Variants in NXPE2 observed in about 807,000 individuals in gnomAD.
The protein encoded by NXPE2 is NXPE family member 2.
Under a neutral mutation model 34.4 loss-of-function variants are expected in NXPE2, and 34 were observed. That is an observed-to-expected ratio of 0.99 (90% CI 0.75 to 1.31). The LOEUF is 1.31. Among genes scored for constraint, NXPE2 ranks in the 40% most tolerant of loss-of-function variants. The probability of loss-of-function intolerance (pLI) is 0.00; values close to 1 mark genes in which losing one functional copy is unlikely to be tolerated. For missense variants in NXPE2, 649 were observed against 672.5 expected (o/e 0.97, Z 0.39); for synonymous variants, 235 against 231.3 (o/e 1.02, Z -0.15).
the NXPE2 span, among the ~76,000 whole-genome samples, chr11:114,716,124 C>G: frequency 1.3e-5 from 2 of 152,186 alleles, no homozygotes; most frequent in Admixed American, 1.3e-4. Flanking sequence ...TCATCCTGTC[C>G]ATGTACCCCC....
chr11:114,588,387 AG>A, the NXPE2 span, among the ~76,000 whole-genome samples: 3 of 152,206 alleles, frequency 2.0e-5, no homozygotes, highest in East Asian at 5.8e-4. Flanking sequence ...AGTATATAAA[AG>A]CTTTCCAAAA....
intron 2 of NXPE2, among the ~76,000 whole-genome samples, chr11:114,686,592 T>A (rs560533290): frequency 6.6e-6 from 1 of 152,292 alleles, no homozygotes; most frequent in East Asian, 1.9e-4. Context: ...AGAACAAATG[T>A]CTTTTTGGTA....
At chr11:114,522,396 C>T in the NXPE2 span, 487 of 1,613,948 alleles carry the variant, frequency 3.0e-4, 5 homozygotes, top group African/African-American at 5.3e-3. Flanking sequence ...TGGAAAGTGA[C>T]GAAGGGATAG....
chr11:114,705,754 A>T, intron 4 of NXPE2, 27 bp from the exon 5 acceptor site: 3 of 1,336,506 alleles, frequency 2.2e-6, no homozygotes, highest in South Asian at 3.2e-5. Flanking sequence ...AATAAAAATT[A>T]CTTAATCTGG....
intron 2 of NXPE2, among the ~76,000 whole-genome samples, chr11:114,694,361 A>G (rs193179271): frequency 6.1e-4 from 93 of 152,272 alleles, no homozygotes; most frequent in Admixed American, 1.8e-3. Context: ...TATGGCTTGT[A>G]TCATAATTTT....
chr11:114,544,536 G>T, the NXPE2 span, among the ~76,000 whole-genome samples: 5 of 152,146 alleles, frequency 3.3e-5, no homozygotes, highest in Non-Finnish European at 5.9e-5. Context: ...ATAAAAAAAT[G>T]AGCCTAGACA....
the NXPE2 span, among the ~76,000 whole-genome samples, chr11:114,601,914 TTATATATA>T: frequency 2.5e-5 from 1 of 39,786 alleles, no homozygotes; most frequent in Non-Finnish European, 5.0e-5. Flanking sequence ...TATTATATAA[TTATATATA>T]ATATATTTAT....
chr11:114,651,783 A>C, the NXPE2 span, among the ~76,000 whole-genome samples: 2 of 152,094 alleles, frequency 1.3e-5, no homozygotes, highest in African/African-American at 2.4e-5. Flanking sequence ...GTGTTTACAA[A>C]CCTTTAGCTA....
the NXPE2 span, among the ~76,000 whole-genome samples, chr11:114,524,715 GTAT>G: frequency 2.0e-5 from 3 of 152,142 alleles, no homozygotes; most frequent in Admixed American, 6.5e-5. Flanking sequence ...GCCTTTAAGT[GTAT>G]TGTTGTAAAC....
At chr11:114,811,307 C>T in the NXPE2 span, among the ~76,000 whole-genome samples, 129 of 150,770 alleles carry the variant, frequency 8.6e-4, no homozygotes, top group African/African-American at 2.8e-3. Context: ...GCACGTTGTG[C>T]ACATGTACCC....
At chr11:114,787,378 G>A in the NXPE2 span, among the ~76,000 whole-genome samples, 1 of 152,144 alleles carries the variant, frequency 6.6e-6, no homozygotes, top group African/African-American at 2.4e-5. Flanking sequence ...GTGGCGTGGG[G>A]TGGGAACGGG....
chr11:114,548,555 A>G, the NXPE2 span, among the ~76,000 whole-genome samples: 1 of 152,212 alleles, frequency 6.6e-6, no homozygotes, highest in Admixed American at 6.5e-5. Context: ...AAATGTTTCT[A>G]AACAACTCGT....
the NXPE2 span, among the ~76,000 whole-genome samples, chr11:114,799,542 A>G: frequency 5.3e-5 from 8 of 152,206 alleles, no homozygotes; most frequent in Non-Finnish European, 1.0e-4. Context: ...GGAAACAGAG[A>G]GATTCCAAAT....
chr11:114,709,343 C>CA (rs919544962), downstream of NXPE2, among the ~76,000 whole-genome samples: 130 of 151,754 alleles, frequency 8.6e-4, 1 homozygote, highest in Admixed American at 3.7e-3. Context: ...GAGTAAAAAA[C>CA]AAAAAAAATC....
Position 114,705,983 on chromosome 11 carries a change from A to G in NXPE2, c.1131A>G (p.Gln377=). 1 of 1,363,058 alleles carries G rather than the reference A, an allele frequency of 7.3e-7. No homozygotes were observed. Among genetic ancestry groups the G allele is most frequent in the Non-Finnish European group, 9.6e-7 (1 of 1,046,446 alleles). 84.4% of individuals were successfully genotyped at this position (1,363,058 alleles called of 1,614,324 possible). A position where few individuals can be genotyped will look rare whatever the true frequency, so the allele number is the denominator to read the frequency against. The part of the protein sequence containing the change: ...STLHQWIYYL[Q]KAVKTLKYFD... ...TGCATCAGTGGATTTACTACTTACA[A>G]AAAGCTGTGAAAAGTATGTATTTAA... Residue 377 remains glutamine (Q), a synonymous_variant, in exon 5 of 6, where the codon CAA becomes CAG. Coordinates refer to ENST00000389586, the MANE Select transcript of NXPE2 (RefSeq NM_182495.6).
the NXPE2 span, among the ~76,000 whole-genome samples, chr11:114,664,758 T>TA: frequency 6.6e-6 from 1 of 152,188 alleles, no homozygotes; most frequent in African/African-American, 2.4e-5. Flanking sequence ...TCTGTTCCCC[T>TA]AGCAATATGC....
the NXPE2 span, among the ~76,000 whole-genome samples, chr11:114,727,417 A>G: frequency 6.6e-6 from 1 of 152,090 alleles, no homozygotes; most frequent in African/African-American, 2.4e-5. Context: ...ATCATGTCTG[A>G]AAAGCCTCAC....
chr11:114,771,812 A>G, the NXPE2 span, among the ~76,000 whole-genome samples: 10,809 of 152,344 alleles, frequency 0.071, 431 homozygotes, highest in Admixed American at 0.098. Flanking sequence ...ATATAACAAC[A>G]TAATCCTCTT....
the NXPE2 span, among the ~76,000 whole-genome samples, chr11:114,601,741 TTATAA>T: frequency 1.4e-5 from 1 of 71,192 alleles, no homozygotes; most frequent in Non-Finnish European, 2.4e-5. Context: ...TTATATATAA[TTATAA>T]TATATAATAT....
Sources: gnomAD v4.1 joint callset for allele counts (sites outside exome capture counted in the v4.1 genomes callset) on GRCh38, gnomAD v4.1.1 for gene constraint, MANE v1.5 for transcripts, NCBI Gene and HGNC (gene_info 2026-07-23, HGNC 2026-07-21) for gene names.